Variants in SLC25A40 observed in about 807,000 individuals in gnomAD.
The protein encoded by SLC25A40 is solute carrier family 25 member 40, also known as mitochondrial glutathione transporter SLC25A40.
A neutral mutation model predicts 46.5 loss-of-function variants in SLC25A40; 41 were observed. That is an observed-to-expected ratio of 0.88 (90% confidence interval 0.69 to 1.14). The LOEUF (loss-of-function observed/expected upper bound fraction) is 1.14. SLC25A40 is among the 50% of genes most tolerant of loss of function. SLC25A40 has a pLI of 0.00. For missense variants in SLC25A40, 386 were observed against 393.6 expected, an observed-to-expected ratio of 0.98 and a Z score of 0.16; for synonymous variants, 126 against 127.5, an observed-to-expected ratio of 0.99 and a Z score of 0.08.
rs368322569 is a variant in SLC25A40, at chr7:87,872,737, G to A, written c.-94+3359C>T. 1.8e-4 allele frequency among the ~76,000 whole-genome samples: 27 copies of A among 152,198 alleles called. 1 individual carries two copies. The highest frequency in any genetic ancestry group is 6.2e-4 in the South Asian group (3 of 4,832). On this transcript the variant is annotated intron_variant, in intron 1 of 11. Coordinates refer to ENST00000341119, the MANE Select transcript of SLC25A40 (RefSeq NM_018843.4). Reference sequence around the variant, plus strand: ...AGCACTTTGGGAGGTCGAGGCTGGCGGATCATCTGAGGTCAGGAGTTCAAG... The same window carrying A: ...AGCACTTTGGGAGGTCGAGGCTGGCAGATCATCTGAGGTCAGGAGTTCAAG...
At chr7:87,862,350 C>T (rs895703690) in intron 1 of SLC25A40, among the ~76,000 whole-genome samples, 2 of 152,186 alleles carry the variant, frequency 1.3e-5, no homozygotes, top group African/African-American at 4.8e-5. Flanking sequence ...TTCCTCTTTT[C>T]TATACCTTTT....
At chr7:87,857,522 C>T (rs1367436103) in intron 3 of SLC25A40, among the ~76,000 whole-genome samples, 1 of 152,134 alleles carries the variant, frequency 6.6e-6, no homozygotes, top group African/African-American at 2.4e-5. Flanking sequence ...GTATGTGTTG[C>T]AGGAAGTCAG....
chr7:87,852,712 T>C lies in SLC25A40; in HGVS notation c.264+1492A>G, dbSNP rs117960250. ...TGGAACAGAATAGAAAACTCAGAAA[T>C]AGACAGACCCAATATGCCCCACTGA... On this transcript the variant is annotated intron_variant, in intron 5 of 11. Coordinates refer to ENST00000341119, the MANE Select transcript of SLC25A40 (RefSeq NM_018843.4). 3.1e-3 allele frequency among the ~76,000 whole-genome samples: 475 copies of C among 151,934 alleles called. 6 individuals are homozygous for C. In the East Asian group the frequency reaches 0.049, roughly 16 times the overall value.
At position 87,855,238 on chromosome 7, in the gene SLC25A40, C is replaced by T. The variant is rs992908954; in HGVS notation, c.158-928G>A. Reference sequence around the variant, plus strand: ...GGGAATGAAGAAGGAAGATAAAAGACGAAAACCCATTTAGAGAAGGGAACA... The same window carrying T: ...GGGAATGAAGAAGGAAGATAAAAGATGAAAACCCATTTAGAGAAGGGAACA... On this transcript the variant is annotated intron_variant, in intron 4 of 11. Coordinates refer to ENST00000341119, the MANE Select transcript of SLC25A40 (RefSeq NM_018843.4). Among the ~76,000 whole-genome samples the T allele has an allele frequency of 4.8e-4, 72 of 151,108 alleles. 1 individual carries two copies. Among genetic ancestry groups the T allele is most frequent in the African/African-American group, 1.7e-3 (68 of 41,150 alleles).
In SLC25A40 at chr7:87,834,237, T is replaced by C. The variant is rs1014701786; in HGVS notation, c.*2012A>G. 2 of 151,834 alleles carry C rather than the reference T, an allele frequency of 1.3e-5. No homozygotes were observed. The highest frequency in any genetic ancestry group is 6.6e-5 in the Admixed American group (1 of 15,198). The allele number at this position is 151,834 out of a possible 1,614,324, so 9.4% of individuals were successfully genotyped here. ...CTGGGAATATTCATCATGCCAATTA[T>C]AGTTCAATTATTTTATCAGACAGAA... On this transcript the variant is annotated 3_prime_UTR_variant, in exon 12 of 12. Transcript: ENST00000341119.
At chr7:87,859,098 A>T (rs527267116) in intron 2 of SLC25A40, among the ~76,000 whole-genome samples, 1 of 152,338 alleles carries the variant, frequency 6.6e-6, no homozygotes, top group South Asian at 2.1e-4. Context: ...TAAAAACATA[A>T]AAAGTTTTAA....
chr7:87,841,792 T>C (rs1838340292), intron 9 of SLC25A40, 78 bp from the exon 10 acceptor site: 10 of 751,598 alleles, frequency 1.3e-5, no homozygotes, highest in Non-Finnish European at 2.0e-5. Context: ...TTCTTATTAG[T>C]ATATTATTTA....
At chr7:87,851,017 C>T (rs958763729) in intron 5 of SLC25A40, among the ~76,000 whole-genome samples, 1 of 152,088 alleles carries the variant, frequency 6.6e-6, no homozygotes, top group African/African-American at 2.4e-5. Context: ...GAAGGTTAAA[C>T]ATAGTTATCA....
At chr7:87,855,353 A>T (rs1316629357) in intron 4 of SLC25A40, among the ~76,000 whole-genome samples, 1 of 152,126 alleles carries the variant, frequency 6.6e-6, no homozygotes, top group Non-Finnish European at 1.5e-5. Context: ...TTTAAATGTC[A>T]TTCTCAATGT....
chr7:87,873,682 G>A (rs941005771), intron 1 of SLC25A40, among the ~76,000 whole-genome samples: 1 of 151,958 alleles, frequency 6.6e-6, no homozygotes, highest in Non-Finnish European at 1.5e-5. Context: ...CCGCCACCTC[G>A]GCCTCCCAAA....
chr7:87,872,131 G>A (rs779864747), intron 1 of SLC25A40, among the ~76,000 whole-genome samples: 4 of 152,132 alleles, frequency 2.6e-5, no homozygotes, highest in Non-Finnish European at 5.9e-5. Context: ...TAGATTCACA[G>A]GAATCATAAC....
intron 9 of SLC25A40, among the ~76,000 whole-genome samples, chr7:87,843,282 G>T (rs749817900): frequency 6.6e-6 from 1 of 151,980 alleles, no homozygotes; most frequent in Non-Finnish European, 1.5e-5. Context: ...ACCCAAAAAT[G>T]GTAACAAGAT....
At position 87,866,960 on chromosome 7, in the gene SLC25A40, G is replaced by A. The variant is rs58371683; in HGVS notation, c.-93-6320C>T. On this transcript the variant is annotated intron_variant, in intron 1 of 11. Coordinates refer to ENST00000341119, the MANE Select transcript of SLC25A40 (RefSeq NM_018843.4). The stretch of plus-strand genomic sequence containing the variant: ...AGTTCTGGGCCGTGAGCAAGCCTCC[G>A]ATGCTCTGGTCCCCTGGATGCGCCT... 6.8e-3 allele frequency among the ~76,000 whole-genome samples: 1,029 copies of A among 152,344 alleles called. 10 individuals are homozygous for A. Among genetic ancestry groups the A allele is most frequent in the African/African-American group, 0.024 (981 of 41,568 alleles).
chr7:87,850,768 C>CAA (rs58374165), intron 5 of SLC25A40, among the ~76,000 whole-genome samples: 1 of 104,448 alleles, frequency 9.6e-6, no homozygotes, highest in Non-Finnish European at 2.0e-5. Context: ...GACCCTGTCT[C>CAA]AAAAAAAAAA....
intron 4 of SLC25A40, among the ~76,000 whole-genome samples, chr7:87,854,932 G>T (rs1226724477): frequency 6.6e-6 from 1 of 152,072 alleles, no homozygotes; most frequent in African/African-American, 2.4e-5. Context: ...GGAGGCCAAG[G>T]CCAGGGGACC....
At chr7:87,850,043 T>C (rs1287352681) in intron 5 of SLC25A40, 95 bp from the exon 6 acceptor site, 8 of 748,566 alleles carry the variant, frequency 1.1e-5, no homozygotes, top group Non-Finnish European at 1.5e-5. Flanking sequence ...TTCTTTCAGG[T>C]ATTTATATCT....
At chr7:87,852,093 A>T (rs930491489) in intron 5 of SLC25A40, among the ~76,000 whole-genome samples, 2 of 152,208 alleles carry the variant, frequency 1.3e-5, no homozygotes, top group African/African-American at 2.4e-5. Flanking sequence ...ATAATGTCAT[A>T]AGCAGGTTGA....
chr7:87,843,574 ATATT>A (rs1181518352), intron 9 of SLC25A40, among the ~76,000 whole-genome samples, 176 bp downstream of exon 9: 2 of 152,110 alleles, frequency 1.3e-5, no homozygotes, highest in Non-Finnish European at 1.5e-5. Flanking sequence ...CAAATACAGT[ATATT>A]TAAATTATTT....
intron 1 of SLC25A40, among the ~76,000 whole-genome samples, chr7:87,874,685 T>C (rs117953527): frequency 0.028 from 4,239 of 152,328 alleles, 59 homozygotes; most frequent in Middle Eastern, 0.048. Flanking sequence ...GGCACTGTAC[T>C]AAGCATTCAA....
Sources: gnomAD v4.1 joint callset for allele counts (sites outside exome capture counted in the v4.1 genomes callset) on GRCh38, gnomAD v4.1.1 for gene constraint, MANE v1.5 for transcripts, NCBI Gene and HGNC (gene_info 2026-07-23, HGNC 2026-07-21) for gene names.